The following FAM163B variants were observed in gnomAD, a reference collection of about 807,000 sequenced individuals.
FAM163B encodes the protein protein FAM163B.
Under a neutral mutation model 7.6 loss-of-function variants are expected in FAM163B, and 4 were observed. The ratio of observed to expected loss-of-function variants is 0.52; its 90% CI spans 0.26 to 1.20. The LOEUF is 1.20. Among genes scored for constraint, FAM163B ranks in the 50% most tolerant of loss-of-function variants. FAM163B has a pLI of 0.14. For synonymous variants in FAM163B, 120 were observed against 111.6 expected (o/e 1.07, Z -0.47); for missense variants, 250 against 243.0 (o/e 1.03, Z -0.19).
chr9:133,585,101 G>A (rs1268668625), intron 1 of FAM163B, among the ~76,000 whole-genome samples: 3 of 152,368 alleles, frequency 2.0e-5, no homozygotes, highest in African/African-American at 7.2e-5. Flanking sequence ...GGCCTGGGCG[G>A]GCAACAGTCC....
rs566949183 is a variant in FAM163B at position 133,595,500 on chromosome 9, G to A, written c.-24+13577C>T. Among the ~76,000 whole-genome samples the A allele has an allele frequency of 2.6e-5, 4 of 152,314 alleles. No individual in the cohort carries two copies. The South Asian group carries it at 8.3e-4, about 32-fold the overall frequency. On this transcript the variant is annotated intron_variant, in intron 1 of 2. Transcript: ENST00000673969. ...TGGTGCTGCTGGTGCGGCATCCTCGGACCACACTTTGAGGACAAGGGGCTG... is the reference window on the plus strand; with the variant it reads ...TGGTGCTGCTGGTGCGGCATCCTCGAACCACACTTTGAGGACAAGGGGCTG...
At chr9:133,607,234 G>C (rs895457487) in intron 1 of FAM163B, among the ~76,000 whole-genome samples, 2 of 152,188 alleles carry the variant, frequency 1.3e-5, no homozygotes, top group Non-Finnish European at 2.9e-5. Context: ...GGGAGACTGA[G>C]GTCTAGAGAG....
At position 133,577,771 on chromosome 9, in the gene FAM163B, G is replaced by A. The variant is rs2131202875; in HGVS notation, c.*1251C>T. On this transcript the variant is annotated 3_prime_UTR_variant, in exon 3 of 3. Coordinates refer to ENST00000673969, the MANE Select transcript of FAM163B (RefSeq NM_001080515.3). Reference sequence around the variant, plus strand: ...GGAAGAGCTGCCTTCCTGATGGCTGGTGTCCTGGGATGTGGGGCATTTCTC... The same window carrying A: ...GGAAGAGCTGCCTTCCTGATGGCTGATGTCCTGGGATGTGGGGCATTTCTC... Among the ~76,000 whole-genome samples, 4 of 152,342 alleles carry A rather than the reference G, an allele frequency of 2.6e-5. No homozygotes were observed. The Middle Eastern group carries it at 0.014, about 518-fold the overall frequency.
chr9:133,599,459 T>A (rs1185438098), intron 1 of FAM163B, among the ~76,000 whole-genome samples: 1 of 152,154 alleles, frequency 6.6e-6, no homozygotes, highest in Non-Finnish European at 1.5e-5. Context: ...TGTATCTGTG[T>A]CTGTGGGTAT....
chr9:133,595,141 TTGTTTTTGTTTGTTA>T (rs1223755387), intron 1 of FAM163B, among the ~76,000 whole-genome samples: 5 of 152,134 alleles, frequency 3.3e-5, no homozygotes, highest in African/African-American at 4.8e-5. Context: ...GACTGTGCAT[TTGTTTTTGTTTGTTA>T]TGTTTTTGAG....
intron 1 of FAM163B, among the ~76,000 whole-genome samples, chr9:133,588,670 A>G: frequency 1.5e-4 from 1 of 6,694 alleles, no homozygotes; most frequent in Non-Finnish European, 3.7e-4. Context: ...ATGCTGAGGG[A>G]TCTAGCATAC....
Position 133,580,178 on chromosome 9 carries a change from CA to C in FAM163B, c.45del (p.Val16Ter). The C allele has an allele frequency of 6.2e-7, 1 of 1,613,520 alleles. No individual in the cohort carries two copies. The highest frequency in any genetic ancestry group is 8.5e-7 in the Non-Finnish European group (1 of 1,180,040). ...TVVITGGILA[T>X]VILLCIIAVL... ...ACAGCGATGATGCAGAGCAAAATCA[CA>C]GTCGCCAAGATGCCCCCGGTGATGA... On this transcript the variant is annotated frameshift_variant, in exon 2 of 3. Transcript: ENST00000673969. LOFTEE classifies it high-confidence loss of function.
Position 133,600,356 on chromosome 9 carries a change from C to G in FAM163B, c.-24+8721G>C, listed in dbSNP as rs992555550. Among the ~76,000 whole-genome samples, 10 of 152,128 alleles carry G rather than the reference C, an allele frequency of 6.6e-5. No homozygotes were observed. The highest frequency in any genetic ancestry group is 2.4e-4 in the African/African-American group (10 of 41,498). On this transcript the variant is annotated intron_variant, in intron 1 of 2. Coordinates refer to ENST00000673969, the MANE Select transcript of FAM163B (RefSeq NM_001080515.3). This position sits in a 1 kb window ranked among gnomAD's most constrained non-coding sequence, Gnocchi z 4.9. ...GCAAAGGTAGAGTCCAGCAGCCTGGCCCATCCCAAAGAGACTGGCTGGCCC... is the reference window on the plus strand; with the variant it reads ...GCAAAGGTAGAGTCCAGCAGCCTGGGCCATCCCAAAGAGACTGGCTGGCCC...
At chr9:133,608,316 C>T (rs1211743533) in intron 1 of FAM163B, among the ~76,000 whole-genome samples, 3 of 152,178 alleles carry the variant, frequency 2.0e-5, no homozygotes, top group African/African-American at 4.8e-5. Context: ...CCAGGCAGTC[C>T]GTGGCTGCGG....
intron 1 of FAM163B, among the ~76,000 whole-genome samples, chr9:133,580,821 C>T (rs1311993386): frequency 2.0e-5 from 3 of 152,234 alleles, no homozygotes; most frequent in Admixed American, 6.5e-5. Context: ...ACCATTTGTA[C>T]GTGTGCGGCT....
At chr9:133,584,036 C>T (rs1831395613) in intron 1 of FAM163B, among the ~76,000 whole-genome samples, 2 of 101,286 alleles carry the variant, frequency 2.0e-5, no homozygotes, top group South Asian at 5.8e-4. Flanking sequence ...GCCCCACCCT[C>T]TGGGATGCCC....
Position 133,600,921 on chromosome 9 carries a change from G to T in FAM163B, c.-24+8156C>A, listed in dbSNP as rs766274994. On this transcript the variant is annotated intron_variant, in intron 1 of 2. Coordinates refer to ENST00000673969, the MANE Select transcript of FAM163B (RefSeq NM_001080515.3). The surrounding 1 kb of genome is among the most constrained non-coding windows in gnomAD (Gnocchi z 4.9). The stretch of plus-strand genomic sequence containing the variant: ...TCAACTCTCCCTTGGTAGGGGGTAG[G>T]GGGGGAGCTTCATTGCCTCGAGTTC... Among the ~76,000 whole-genome samples, 20 of 152,234 alleles carry T rather than the reference G, an allele frequency of 1.3e-4. No homozygotes were observed. The highest frequency in any genetic ancestry group is 2.0e-4 in the Admixed American group (3 of 15,298).
chr9:133,608,325 G>A (rs767730718), intron 1 of FAM163B, among the ~76,000 whole-genome samples: 1 of 152,226 alleles, frequency 6.6e-6, no homozygotes, highest in Admixed American at 6.5e-5. Context: ...CCGTGGCTGC[G>A]GGAGGACAGG....
chr9:133,585,730 A>T (rs1831426027), intron 1 of FAM163B, among the ~76,000 whole-genome samples: 2 of 152,278 alleles, frequency 1.3e-5, no homozygotes, highest in East Asian at 3.9e-4. Context: ...CTGCAATCTG[A>T]TGGCTTCACA....
At chr9:133,605,578 C>T (rs890582257) in intron 1 of FAM163B, among the ~76,000 whole-genome samples, 1 of 152,192 alleles carries the variant, frequency 6.6e-6, no homozygotes, top group African/African-American at 2.4e-5. Flanking sequence ...CCCACAGGCA[C>T]GGACGGCTCC....
In FAM163B at chr9:133,578,721, AGGAGTAACG is replaced by A. The variant is rs1001551044; in HGVS notation, c.*292_*300del. ...TTGTTGGGTCTGAGACAGAATCATCAGGAGTAACGGTGGCCTCTGTGCCTGAGAGCCCTG... is the reference window on the plus strand; with the variant it reads ...TTGTTGGGTCTGAGACAGAATCATCAGTGGCCTCTGTGCCTGAGAGCCCTG... On this transcript the variant is annotated 3_prime_UTR_variant, in exon 3 of 3. Transcript: ENST00000673969. 2.5e-6 allele frequency: 1 copy of A among 404,114 alleles called. No homozygotes were observed. The highest frequency in any genetic ancestry group is 2.0e-5 in the African/African-American group (1 of 49,168). 25.0% of individuals were successfully genotyped at this position (404,114 alleles called of 1,614,324 possible). A position where few individuals can be genotyped will look rare whatever the true frequency, so the allele number is the denominator to read the frequency against.
intron 1 of FAM163B, among the ~76,000 whole-genome samples, chr9:133,589,185 C>T (rs949912553): frequency 7.9e-5 from 12 of 152,172 alleles, no homozygotes; most frequent in African/African-American, 2.9e-4. Context: ...TAAGTCTGAA[C>T]AGGTTCCTGC....
intron 1 of FAM163B, among the ~76,000 whole-genome samples, chr9:133,588,649 AAG>A (rs1831485359): frequency 6.6e-6 from 1 of 151,464 alleles, no homozygotes; most frequent in Non-Finnish European, 1.5e-5. Context: ...TAGCAGGTTG[AAG>A]GATCTAGCAT....
intron 1 of FAM163B, among the ~76,000 whole-genome samples, chr9:133,597,263 C>T (rs576829061): frequency 1.3e-5 from 2 of 152,192 alleles, no homozygotes; most frequent in South Asian, 4.2e-4. Context: ...AAAACTTGAG[C>T]ATATGAAGTA....
Sources: gnomAD v4.1 joint callset for allele counts (sites outside exome capture counted in the v4.1 genomes callset) on GRCh38, gnomAD v4.1.1 for gene constraint, Gnocchi (gnomAD v3.1) non-coding constraint, MANE v1.5 for transcripts, NCBI Gene and HGNC (gene_info 2026-07-23, HGNC 2026-07-21) for gene names.